STK3: variants seen among roughly 807,000 people sequenced by gnomAD.
STK3 encodes the protein serine/threonine kinase 3, also known as serine/threonine-protein kinase 3.
STK3 carries 41 observed loss-of-function variants against 58.0 expected under a neutral mutation model. That is an observed-to-expected ratio of 0.71 (90% CI 0.55 to 0.92). The LOEUF is 0.92. Ranked by LOEUF, STK3 falls within the 40% of genes least tolerant of loss-of-function variation. The probability of loss-of-function intolerance (pLI) is 0.00; values close to 1 mark genes in which losing one functional copy is unlikely to be tolerated. For synonymous variants in STK3, 170 were observed against 191.0 expected (o/e 0.89, Z 0.91); for missense variants, 479 against 602.7 (o/e 0.79, Z 2.15).
chr8:98,407,156 C>T (rs1342676465), intron 3 of STK3, among the ~76,000 whole-genome samples: 1 of 152,198 alleles, frequency 6.6e-6, no homozygotes, highest in Non-Finnish European at 1.5e-5. Context: ...ACATCTTGCT[C>T]AGGTAGTTTA....
chr8:98,846,234 A>T (rs1836194249), intron 3 of STK3, among the ~76,000 whole-genome samples: 1 of 152,152 alleles, frequency 6.6e-6, no homozygotes. Flanking sequence ...TCTCATTAGT[A>T]TGGGGTTGGA....
chr8:98,411,142 T>C (rs1818051710), intron 3 of STK3, among the ~76,000 whole-genome samples: 1 of 152,342 alleles, frequency 6.6e-6, no homozygotes, highest in African/African-American at 2.4e-5. Context: ...AGCTCTTGCA[T>C]AGTCAAAAGA....
chr8:98,724,871 A>G (rs1161542819), intron 4 of STK3, among the ~76,000 whole-genome samples: 1 of 152,192 alleles, frequency 6.6e-6, no homozygotes, highest in East Asian at 1.9e-4. Flanking sequence ...CTTAAAGACT[A>G]TCTAGAGTCT....
chr8:98,518,810 C>T (rs1825141110), intron 10 of STK3, among the ~76,000 whole-genome samples: 3 of 152,086 alleles, frequency 2.0e-5, no homozygotes, highest in Non-Finnish European at 4.4e-5. Context: ...GCAGGCTTCT[C>T]ATTAATTTTA....
chr8:98,707,078 T>G, intron 5 of STK3, 69 bp downstream of exon 5: 3 of 1,461,396 alleles, frequency 2.1e-6, no homozygotes, highest in Non-Finnish European at 2.7e-6. Context: ...AAAAAGTAAT[T>G]GAAGTTTAGT....
At chr8:98,635,012 C>T (rs1008387665) in intron 6 of STK3, among the ~76,000 whole-genome samples, 13 of 151,678 alleles carry the variant, frequency 8.6e-5, no homozygotes, top group African/African-American at 2.9e-4. Context: ...TCAAGGAGCA[C>T]GTGAGCCTGT....
At chr8:98,375,000 G>A (rs1817657756) in intron 2 of STK3, among the ~76,000 whole-genome samples, 1 of 152,040 alleles carries the variant, frequency 6.6e-6, no homozygotes, top group South Asian at 2.1e-4. Context: ...AGCACTTTGG[G>A]AGGCCAAGGT....
chr8:98,482,559 C>T lies in STK3; in HGVS notation c.1318-26559G>A, dbSNP rs899395950. Among the ~76,000 whole-genome samples the T allele has an allele frequency of 7.9e-5, 12 of 152,228 alleles. No homozygotes were observed. In the East Asian group the frequency reaches 9.7e-4, roughly 12 times the overall value. ...ATGAGATGACCCTCAGAAGTTGTCT[C>T]GACGTTTGCTCAGCAGTGATTTGAT... is the stretch of plus-strand genomic sequence containing the variant. On this transcript the variant is annotated intron_variant, in intron 10 of 10. Transcript: ENST00000419617.
chr8:98,852,742 T>C (rs1836524265), intron 3 of STK3, among the ~76,000 whole-genome samples: 1 of 152,254 alleles, frequency 6.6e-6, no homozygotes, highest in African/African-American at 2.4e-5. Flanking sequence ...GGTCTCATGT[T>C]ATCCACAGAA....
chr8:98,741,928 T>C (rs939197112), intron 4 of STK3, among the ~76,000 whole-genome samples: 5 of 152,082 alleles, frequency 3.3e-5, no homozygotes, highest in African/African-American at 1.2e-4. Context: ...AAATACAAAC[T>C]ACCATCAGAG....
intron 1 of STK3, among the ~76,000 whole-genome samples, chr8:98,777,888 T>C (rs1587594349): frequency 6.6e-6 from 1 of 152,278 alleles, no homozygotes; most frequent in African/African-American, 2.4e-5. Context: ...TCAAGATGGA[T>C]TAAAGATTTA....
chr8:98,707,319 G>T lies in STK3; in HGVS notation c.352-8C>A, dbSNP rs1291099515. On this transcript the variant is annotated splice_region_variant and splice_polypyrimidine_tract_variant and intron_variant, in intron 4 of 10. Coordinates refer to ENST00000419617, the MANE Select transcript of STK3 (RefSeq NM_006281.4). ...AATTTCATCTTCTATTAACTGGAAA[G>T]AAATATTTTTAAAACCATAATTAAA... 2.0e-6 allele frequency: 3 copies of T among 1,498,736 alleles called. No homozygotes were observed. The highest frequency in any genetic ancestry group is 1.4e-5 in the African/African-American group (1 of 70,652). The allele number at this position is 1,498,736 out of a possible 1,614,324, so 92.8% of individuals were successfully genotyped here. A position where few individuals can be genotyped will look rare whatever the true frequency, so the allele number is the denominator to read the frequency against.
chr8:98,856,224 A>C (rs1012723063), intron 3 of STK3, among the ~76,000 whole-genome samples: 4 of 148,510 alleles, frequency 2.7e-5, no homozygotes, highest in Non-Finnish European at 5.9e-5. Context: ...GCTACTCAGG[A>C]GGCTGAGGTC....
At chr8:98,517,299 T>C (rs1450228586) in intron 10 of STK3, among the ~76,000 whole-genome samples, 1 of 152,014 alleles carries the variant, frequency 6.6e-6, no homozygotes, top group Non-Finnish European at 1.5e-5. Flanking sequence ...TTCTGGATTT[T>C]TAAAAAAAGT....
intron 7 of STK3, among the ~76,000 whole-genome samples, chr8:98,583,943 G>C: frequency 6.6e-6 from 1 of 151,836 alleles, no homozygotes; most frequent in Non-Finnish European, 1.5e-5. Context: ...TTTAAAAATA[G>C]GAGTTATTTG....
rs549481582 is a variant in STK3, at chr8:98,610,205, A to C, written c.685-14036T>G. 5.8e-3 allele frequency among the ~76,000 whole-genome samples: 858 copies of C among 146,960 alleles called. 6 individuals carry two copies. The highest frequency in any genetic ancestry group is 0.021 in the African/African-American group (813 of 39,392). ...AATGTTTCAAAACAGAAAAAAAAAAACCATATGATTACAAAATGAGAAAAA... is the reference window on the plus strand; with the variant it reads ...AATGTTTCAAAACAGAAAAAAAAAACCCATATGATTACAAAATGAGAAAAA... On this transcript the variant is annotated intron_variant, in intron 6 of 10. Transcript: ENST00000419617.
chr8:98,608,854 T>C (rs1200147922), intron 6 of STK3, among the ~76,000 whole-genome samples: 2 of 152,244 alleles, frequency 1.3e-5, no homozygotes, highest in African/African-American at 4.8e-5. Context: ...TGGATTCCCA[T>C]GTAAAACTGA....
downstream of STK3, among the ~76,000 whole-genome samples, chr8:98,367,250 G>A (rs1817573275): frequency 6.6e-6 from 1 of 152,230 alleles, no homozygotes; most frequent in African/African-American, 2.4e-5. Context: ...ATAAGAAGCA[G>A]GCAGCAGTTG....
chr8:98,485,687 CAAA>C (rs891920215), intron 10 of STK3, among the ~76,000 whole-genome samples: 14 of 152,024 alleles, frequency 9.2e-5, no homozygotes, highest in African/African-American at 3.1e-4. Flanking sequence ...CAAGTAAAGA[CAAA>C]GAAGTAGGAG....
Sources: gnomAD v4.1 joint callset for allele counts (sites outside exome capture counted in the v4.1 genomes callset) on GRCh38, gnomAD v4.1.1 for gene constraint, MANE v1.5 for transcripts, NCBI Gene and HGNC (gene_info 2026-07-23, HGNC 2026-07-21) for gene names.